Variants in TRHDE observed in about 807,000 individuals in gnomAD.
The protein encoded by TRHDE is thyrotropin releasing hormone degrading enzyme, also known as thyrotropin-releasing hormone-degrading ectoenzyme.
In TRHDE, 72 loss-of-function variants were observed where a neutral mutation model predicts 125.7. The ratio of observed to expected loss-of-function variants is 0.57; its 90% CI spans 0.47 to 0.70. The LOEUF is 0.70. TRHDE is among the 30% of genes least tolerant of loss of function. The probability of loss-of-function intolerance (pLI) is 0.00; values close to 1 mark genes in which losing one functional copy is unlikely to be tolerated. For synonymous variants in TRHDE, 509 were observed against 509.1 expected (o/e 1.00, Z 0.00); for missense variants, 1,110 against 1,327.1 (o/e 0.84, Z 2.54).
At chr12:72,221,013 G>A (rs1288095932) in intron 2 of TRHDE, among the ~76,000 whole-genome samples, 1 of 151,918 alleles carries the variant, frequency 6.6e-6, no homozygotes, top group Non-Finnish European at 1.5e-5. Context: ...AATGAAATGA[G>A]GTATAAATAT....
At chr12:72,548,244 G>T (rs938682473) in intron 7 of TRHDE, among the ~76,000 whole-genome samples, 1 of 151,604 alleles carries the variant, frequency 6.6e-6, no homozygotes, top group African/African-American at 2.4e-5. Context: ...GTCTGTCTCT[G>T]TAGAAGTTCT....
chr12:72,617,507 A>G (rs769058179), intron 12 of TRHDE, among the ~76,000 whole-genome samples: 1 of 152,132 alleles, frequency 6.6e-6, no homozygotes, highest in Non-Finnish European at 1.5e-5. Flanking sequence ...CACAAATACA[A>G]AGGTCCATCT....
chr12:72,575,122 G>A lies in TRHDE; in HGVS notation c.2132-133G>A, dbSNP rs1870930640. On this transcript the variant is annotated intron_variant, in intron 10 of 18. Transcript: ENST00000261180. ...CTAGATGCAAGTGATTAATTAAAGA[G>A]TAGGCTTCAATTAGGTATTTAAGAT... 3 of 811,024 alleles carry A rather than the reference G, an allele frequency of 3.7e-6. No individual in the cohort carries two copies. The East Asian group carries it at 8.1e-5, about 22-fold the overall frequency. 50.2% of individuals were successfully genotyped at this position (811,024 alleles called of 1,614,324 possible).
chr12:72,151,804 T>C (rs902692329), intron 2 of TRHDE, among the ~76,000 whole-genome samples: 18 of 152,210 alleles, frequency 1.2e-4, no homozygotes, highest in Admixed American at 1.2e-3. Flanking sequence ...TGTAGCCTTG[T>C]AGTATAGTTT....
At chr12:72,260,445 A>G (rs1878922844) in intron 2 of TRHDE, among the ~76,000 whole-genome samples, 1 of 152,130 alleles carries the variant, frequency 6.6e-6, no homozygotes, top group Non-Finnish European at 1.5e-5. Flanking sequence ...TAGGGTCTTG[A>G]CTGTGGGACC....
chr12:72,246,004 T>C (rs1245526300), intron 2 of TRHDE, among the ~76,000 whole-genome samples: 2 of 152,196 alleles, frequency 1.3e-5, no homozygotes, highest in Admixed American at 1.3e-4. Context: ...TATGGCCATG[T>C]AGGAGGTTTA....
chr12:72,182,023 G>A (rs1877105418), intron 2 of TRHDE, among the ~76,000 whole-genome samples: 1 of 152,104 alleles, frequency 6.6e-6, no homozygotes, highest in Admixed American at 6.5e-5. Context: ...TTTTATATCT[G>A]TCAAATTGAG....
At chr12:72,355,277 T>C (rs1232846516) in intron 2 of TRHDE, among the ~76,000 whole-genome samples, 1 of 151,510 alleles carries the variant, frequency 6.6e-6, no homozygotes, top group Non-Finnish European at 1.5e-5. Context: ...TCAGAAGTGG[T>C]TGGGGTTTAT....
intron 12 of TRHDE, among the ~76,000 whole-genome samples, chr12:72,578,980 T>C (rs1871121719): frequency 7.4e-6 from 1 of 134,270 alleles, no homozygotes; most frequent in African/African-American, 3.2e-5. Context: ...TCTTACTGTT[T>C]AGTGTTTTTT....
At chr12:72,330,473 G>C (rs1869542507) in intron 2 of TRHDE, among the ~76,000 whole-genome samples, 1 of 152,200 alleles carries the variant, frequency 6.6e-6, no homozygotes, top group African/African-American at 2.4e-5. Context: ...CGCTCTGCCT[G>C]GAAAGCTACT....
chr12:72,598,867 C>A lies in TRHDE; in HGVS notation c.2322-20024C>A, dbSNP rs565233535. ...TAGTACTCAACAGTAAGTTTTTTAA[C>A]CCTTGCCCTTCGTCCCTCCCTTACC... On this transcript the variant is annotated intron_variant, in intron 12 of 18. Coordinates refer to ENST00000261180, the MANE Select transcript of TRHDE (RefSeq NM_013381.3). 3.3e-4 allele frequency among the ~76,000 whole-genome samples: 50 copies of A among 151,894 alleles called. No homozygotes were observed. The South Asian group carries it at 1.0e-2, about 30-fold the overall frequency.
At chr12:72,370,430 T>A (rs999443996) in intron 2 of TRHDE, among the ~76,000 whole-genome samples, 1 of 152,194 alleles carries the variant, frequency 6.6e-6, no homozygotes, top group East Asian at 1.9e-4. Flanking sequence ...TCTGATCATG[T>A]CATTCTATGG....
intron 6 of TRHDE, among the ~76,000 whole-genome samples, chr12:72,533,395 G>T (rs1466858874): frequency 6.6e-6 from 1 of 151,946 alleles, no homozygotes; most frequent in East Asian, 1.9e-4. Context: ...AGATGTTCTC[G>T]ATTTCCTGAC....
At chr12:72,355,759 T>C (rs1870788390) in intron 2 of TRHDE, among the ~76,000 whole-genome samples, 2 of 151,814 alleles carry the variant, frequency 1.3e-5, no homozygotes, top group African/African-American at 2.4e-5. Context: ...CACACACTTT[T>C]CAAAAGAAGA....
At chr12:72,277,222 A>G (rs908310051) in intron 1 of TRHDE, among the ~76,000 whole-genome samples, 3 of 152,182 alleles carry the variant, frequency 2.0e-5, no homozygotes, top group African/African-American at 7.2e-5. Flanking sequence ...GTAGTTCTCA[A>G]AGAGAATTGG....
intron 2 of TRHDE, among the ~76,000 whole-genome samples, chr12:72,129,405 A>G (rs1875809797): frequency 6.6e-6 from 1 of 152,206 alleles, no homozygotes. Context: ...TTAGATATCC[A>G]TTCTCATAGT....
intron 6 of TRHDE, among the ~76,000 whole-genome samples, chr12:72,501,799 A>G (rs1055242424): frequency 2.0e-5 from 3 of 152,184 alleles, no homozygotes; most frequent in African/African-American, 4.8e-5. Context: ...CCAGTATAGC[A>G]GTAGGGACCT....
chr12:72,184,401 C>T (rs1248686410), intron 2 of TRHDE, among the ~76,000 whole-genome samples: 1 of 152,122 alleles, frequency 6.6e-6, no homozygotes, highest in African/African-American at 2.4e-5. Flanking sequence ...CCCGCTTCTT[C>T]CCCAGCCCAA....
chr12:72,328,767 C>G (rs1869453457), intron 2 of TRHDE, among the ~76,000 whole-genome samples: 2 of 152,096 alleles, frequency 1.3e-5, no homozygotes, highest in Non-Finnish European at 2.9e-5. Context: ...GTTTGTTTAT[C>G]TTGTCATACT....
Sources: gnomAD v4.1 joint callset for allele counts (sites outside exome capture counted in the v4.1 genomes callset) on GRCh38, gnomAD v4.1.1 for gene constraint, MANE v1.5 for transcripts, NCBI Gene and HGNC (gene_info 2026-07-23, HGNC 2026-07-21) for gene names.